TRAPPC9: variants seen among roughly 807,000 people sequenced by gnomAD.
TRAPPC9 encodes the protein IKK2 binding protein.
Under a neutral mutation model 124.0 loss-of-function variants are expected in TRAPPC9, and 83 were observed. The observed-to-expected ratio is 0.67, with a 90% CI of 0.56 to 0.80. The LOEUF is 0.80. Among genes scored for constraint, TRAPPC9 ranks in the 30% least tolerant of loss-of-function variants. TRAPPC9 has a pLI of 0.00. For missense variants in TRAPPC9, 1,302 were observed against 1,508.3 expected (o/e 0.86, Z 2.27); for synonymous variants, 638 against 617.5 (o/e 1.03, Z -0.49).
rs997185968 is a variant in TRAPPC9 at position 140,435,506 on chromosome 8, G to C, written c.731-266C>G. On this transcript the variant is annotated intron_variant, in intron 3 of 22. Coordinates refer to ENST00000438773, the MANE Select transcript of TRAPPC9 (RefSeq NM_001160372.4). ...TGCAGAACACTCTCACCACACTCAAGGTTTCCCTGCAGGGCTGACTGCACA... is the reference window on the plus strand; with the variant it reads ...TGCAGAACACTCTCACCACACTCAACGTTTCCCTGCAGGGCTGACTGCACA... Among the ~76,000 whole-genome samples, 5 of 152,210 alleles carry C rather than the reference G, an allele frequency of 3.3e-5. 1 individual carries two copies. The South Asian group carries it at 1.0e-3, about 32-fold the overall frequency.
intron 15 of TRAPPC9, among the ~76,000 whole-genome samples, chr8:140,255,832 G>A (rs2131525758): frequency 6.6e-6 from 1 of 152,298 alleles, no homozygotes; most frequent in African/African-American, 2.4e-5. Flanking sequence ...GTTGCAGTGA[G>A]TCAAGGTCGC....
At chr8:140,451,581 TC>T (rs1316389385) in intron 1 of TRAPPC9, among the ~76,000 whole-genome samples, 198 bp from the exon 2 acceptor site, 1 of 152,178 alleles carries the variant, frequency 6.6e-6, no homozygotes, top group Non-Finnish European at 1.5e-5. Context: ...TGACCTTCAG[TC>T]CCTTGGCCTC....
intron 2 of TRAPPC9, among the ~76,000 whole-genome samples, chr8:140,441,910 T>C (rs1347261450): frequency 6.6e-6 from 1 of 152,146 alleles, no homozygotes; most frequent in Non-Finnish European, 1.5e-5. Context: ...GGCTCCCACC[T>C]GTAGTCCCAG....
intron 19 of TRAPPC9, among the ~76,000 whole-genome samples, chr8:139,921,396 T>A (rs1832494170): frequency 6.6e-6 from 1 of 152,170 alleles, no homozygotes; most frequent in Admixed American, 6.5e-5. Context: ...AAACAAGCCC[T>A]TATCTTTCCA....
intron 17 of TRAPPC9, among the ~76,000 whole-genome samples, chr8:140,215,394 G>A (rs1014472906): frequency 2.0e-5 from 3 of 152,142 alleles, no homozygotes; most frequent in Non-Finnish European, 4.4e-5. Context: ...TGTAATCCCA[G>A]CACTTTGGGA....
chr8:140,114,987 C>T (rs561773922), intron 17 of TRAPPC9, among the ~76,000 whole-genome samples: 2 of 152,302 alleles, frequency 1.3e-5, no homozygotes, highest in South Asian at 4.1e-4. Flanking sequence ...AAGAATAAAG[C>T]AGGACACTTC....
intron 18 of TRAPPC9, among the ~76,000 whole-genome samples, chr8:139,996,683 T>C (rs1343777822): frequency 6.6e-6 from 1 of 152,202 alleles, no homozygotes; most frequent in African/African-American, 2.4e-5. Context: ...GCAAATGACA[T>C]AAACAGATTC....
chr8:139,950,903 C>G (rs764261833), intron 19 of TRAPPC9, among the ~76,000 whole-genome samples: 1 of 152,198 alleles, frequency 6.6e-6, no homozygotes. Flanking sequence ...AGAGGAGGCG[C>G]GGCAGGGAGG....
rs2064298443 is a variant in TRAPPC9 at position 140,257,536 on chromosome 8, G to A, written c.2279-4607C>T. 6.6e-6 allele frequency among the ~76,000 whole-genome samples: 1 copy of A among 152,176 alleles called. No homozygotes were observed. On this transcript the variant is annotated intron_variant, in intron 15 of 22. Transcript: ENST00000438773. This position sits in a 1 kb window ranked among gnomAD's most constrained non-coding sequence, Gnocchi z 4.6. ...CCGTGCCATGCGAGCGCACAGGGGA[G>A]GGAGGAAAGAAGCACACGTCCTTTC...
At chr8:139,965,988 A>G (rs987895141) in intron 19 of TRAPPC9, among the ~76,000 whole-genome samples, 1 of 152,236 alleles carries the variant, frequency 6.6e-6, no homozygotes, top group African/African-American at 2.4e-5. Context: ...GAGGCTTTGC[A>G]AGGGGAAAAT....
At chr8:140,444,902 AGTCTCCTG>A (rs1479156036) in intron 2 of TRAPPC9, among the ~76,000 whole-genome samples, 2 of 145,558 alleles carry the variant, frequency 1.4e-5, no homozygotes, top group Admixed American at 6.9e-5. Context: ...GCTGTCCTCC[AGTCTCCTG>A]GTCACAGCAA....
chr8:139,816,864 C>T (rs1407917874), intron 21 of TRAPPC9, among the ~76,000 whole-genome samples: 3 of 152,030 alleles, frequency 2.0e-5, no homozygotes, highest in Admixed American at 1.3e-4. Context: ...ACTCACGGCC[C>T]GCCCTCACTG....
Position 140,003,124 on chromosome 8 carries a change from T to A in TRAPPC9, c.2700-14288A>T, listed in dbSNP as rs184167654. Among the ~76,000 whole-genome samples the A allele has an allele frequency of 9.6e-4, 146 of 152,176 alleles. 1 individual carries two copies. Among genetic ancestry groups the A allele is most frequent in the African/African-American group, 3.4e-3 (141 of 41,534 alleles). On this transcript the variant is annotated intron_variant, in intron 18 of 22. Coordinates refer to ENST00000438773, the MANE Select transcript of TRAPPC9 (RefSeq NM_001160372.4). Reference sequence around the variant, plus strand: ...ACATACCAGATAAAGGACTTGTATCTATAATATATTTTAAAAACTTTTGAA... The same window carrying A: ...ACATACCAGATAAAGGACTTGTATCAATAATATATTTTAAAAACTTTTGAA...
chr8:139,865,905 G>T (rs574349234), intron 21 of TRAPPC9, among the ~76,000 whole-genome samples: 1 of 152,286 alleles, frequency 6.6e-6, no homozygotes, highest in South Asian at 2.1e-4. Flanking sequence ...AGGTGGTCGG[G>T]GTGCAGCTTG....
intron 17 of TRAPPC9, among the ~76,000 whole-genome samples, chr8:140,165,590 GAAGGAGGGAGGGGAAGGGGGC>G (rs2061822198): frequency 1.6e-5 from 2 of 123,264 alleles, no homozygotes; most frequent in Non-Finnish European, 3.4e-5. Flanking sequence ...AGGGAAGGGG[GAAGGAGGGAGGGGAAGGGGGC>G]AAGGAGGGAA....
intron 1 of TRAPPC9, among the ~76,000 whole-genome samples, chr8:140,454,046 T>C (rs2071563668): frequency 6.6e-6 from 1 of 152,120 alleles, no homozygotes; most frequent in Non-Finnish European, 1.5e-5. Flanking sequence ...CCCAACACTT[T>C]GGGAGACAGA....
At chr8:139,956,540 C>CTA (rs1015155943) in intron 19 of TRAPPC9, among the ~76,000 whole-genome samples, 2 of 152,218 alleles carry the variant, frequency 1.3e-5, no homozygotes, top group Non-Finnish European at 2.9e-5. Context: ...TACGCCTGAC[C>CTA]TATTTCTCCA....
chr8:139,731,970 A>G lies in TRAPPC9; in HGVS notation c.3279+9T>C, dbSNP rs1347041390. The G allele has an allele frequency of 1.3e-6, 2 of 1,564,028 alleles. No individual in the cohort carries two copies. Among genetic ancestry groups the G allele is most frequent in the African/African-American group, 2.7e-5 (2 of 73,712 alleles). On this transcript the variant is annotated intron_variant, in intron 22 of 22. Coordinates refer to ENST00000438773, the MANE Select transcript of TRAPPC9 (RefSeq NM_001160372.4). ...AGGCTCCCAGACCGCCTTGCACACC[A>G]CCACGCACCGCGTCGAGGTAGAAGG...
At chr8:140,112,475 G>A (rs1272465553) in intron 17 of TRAPPC9, among the ~76,000 whole-genome samples, 6 of 152,324 alleles carry the variant, frequency 3.9e-5, no homozygotes, top group South Asian at 4.1e-4. Context: ...ATGGTGGACA[G>A]GTGTGAGAAG....
Sources: allele counts gnomAD v4.1 joint callset (sites outside exome capture counted in the v4.1 genomes callset), GRCh38; gene constraint gnomAD v4.1.1; non-coding constraint Gnocchi (gnomAD v3.1); transcripts MANE v1.5; gene names NCBI Gene and HGNC (gene_info 2026-07-23, HGNC 2026-07-21).